The following ATP2B2 variants were observed in gnomAD, a reference collection of about 807,000 sequenced individuals.
ATP2B2 encodes ATPase plasma membrane Ca2+ transporting 2, also known as plasma membrane calcium-transporting ATPase 2.
Under a neutral mutation model 120.0 loss-of-function variants are expected in ATP2B2, and 15 were observed. That is an observed-to-expected ratio of 0.12 (90% CI 0.08 to 0.19). The LOEUF (loss-of-function observed/expected upper bound fraction) is 0.19. ATP2B2 is among the 10% of genes least tolerant of loss of function. The pLI, the probability that ATP2B2 is intolerant of heterozygous loss-of-function variation, is 1.00. For synonymous variants in ATP2B2, 694 were observed against 700.3 expected, an observed-to-expected ratio of 0.99 and a Z score of 0.14; for missense variants, 1,045 against 1,719.8, an observed-to-expected ratio of 0.61 and a Z score of 6.94.
At chr3:10,560,765 A>T (rs1050839975) in intron 2 of ATP2B2, among the ~76,000 whole-genome samples, 9 of 152,104 alleles carry the variant, frequency 5.9e-5, no homozygotes, top group African/African-American at 2.2e-4. Context: ...TGGGGGCTGG[A>T]TTCGAGCACA....
intron 2 of ATP2B2, among the ~76,000 whole-genome samples, chr3:10,583,880 C>T (rs73811932): frequency 1.7e-3 from 260 of 152,272 alleles, no homozygotes; most frequent in African/African-American, 5.6e-3. Flanking sequence ...ACTGATCTCC[C>T]GCCATCAGAA....
chr3:10,415,040 T>C (rs1407550026), intron 2 of ATP2B2, among the ~76,000 whole-genome samples: 2 of 152,062 alleles, frequency 1.3e-5, no homozygotes, highest in Non-Finnish European at 2.9e-5. Context: ...CTCTTCTCAG[T>C]GGAAGAACAG....
chr3:10,509,909 T>C (rs1300752109), upstream of ATP2B2, among the ~76,000 whole-genome samples: 2 of 152,128 alleles, frequency 1.3e-5, no homozygotes, highest in East Asian at 1.9e-4. Context: ...GAGTCCCAGG[T>C]TTTTTTCATC....
intron 1 of ATP2B2, among the ~76,000 whole-genome samples, chr3:10,485,714 G>A (rs1011301808): frequency 1.3e-5 from 2 of 152,184 alleles, no homozygotes; most frequent in African/African-American, 2.4e-5. Flanking sequence ...GCAAAGCCTG[G>A]GGTCTGAGGT....
At chr3:10,485,949 G>A (rs2065632884) in intron 1 of ATP2B2, among the ~76,000 whole-genome samples, 1 of 152,206 alleles carries the variant, frequency 6.6e-6, no homozygotes, top group South Asian at 2.1e-4. Flanking sequence ...GGGGGCCAGG[G>A]CATCATGAAA....
chr3:10,337,567 C>T (rs1328621599), intron 22 of ATP2B2, among the ~76,000 whole-genome samples: 3 of 152,172 alleles, frequency 2.0e-5, no homozygotes, highest in African/African-American at 7.2e-5. Flanking sequence ...TCTCTCTGCT[C>T]TGGGGAAGAA....
At chr3:10,589,092 A>G (rs2068582670) in intron 2 of ATP2B2, among the ~76,000 whole-genome samples, 1 of 152,098 alleles carries the variant, frequency 6.6e-6, no homozygotes, top group Non-Finnish European at 1.5e-5. Context: ...AGTCACTGGG[A>G]GGACCTGGAC....
At position 10,325,346 on chromosome 3, in the gene ATP2B2, A is replaced by G. The variant is rs1450336455; in HGVS notation, c.*3468T>C. On this transcript the variant is annotated 3_prime_UTR_variant, in exon 23 of 23. Coordinates refer to ENST00000360273, the MANE Select transcript of ATP2B2 (RefSeq NM_001001331.4). Reference sequence around the variant, plus strand: ...CCCACCACATAATAAGACATTAGAAATTGACAATAGTTAAAATTGTATGGC... The same window carrying G: ...CCCACCACATAATAAGACATTAGAAGTTGACAATAGTTAAAATTGTATGGC... The G allele has an allele frequency of 6.6e-6, 1 of 152,266 alleles. No homozygotes were observed. Among genetic ancestry groups the G allele is most frequent in the Admixed American group, 6.5e-5 (1 of 15,286 alleles). The allele number at this position is 152,266 out of a possible 1,614,324, so 9.4% of individuals were successfully genotyped here.
chr3:10,353,975 TC>T (rs564318578), intron 14 of ATP2B2, among the ~76,000 whole-genome samples: 88 of 152,164 alleles, frequency 5.8e-4, no homozygotes, highest in African/African-American at 1.8e-3. Flanking sequence ...CTTTTCCAAT[TC>T]CCTTTTCTCT....
intron 1 of ATP2B2, among the ~76,000 whole-genome samples, chr3:10,465,891 C>T (rs533058754): frequency 4.0e-4 from 61 of 152,202 alleles, no homozygotes; most frequent in Non-Finnish European, 6.9e-4. Flanking sequence ...GAGTTGGTCC[C>T]TAACCACCAG....
At position 10,501,372 on chromosome 3, in the gene ATP2B2, G is replaced by GTTTTTT. The variant is rs140295226; in HGVS notation, c.-320+4092_-320+4093insAAAAAA. Among the ~76,000 whole-genome samples, 6 of 138,062 alleles carry GTTTTTT rather than the reference G, an allele frequency of 4.3e-5. 1 individual carries two copies. The highest frequency in any genetic ancestry group is 4.5e-5 in the Non-Finnish European group (3 of 66,466). 90.6% of individuals were successfully genotyped at this position (138,062 alleles called of 152,430 possible). A position where few individuals can be genotyped will look rare whatever the true frequency, so the allele number is the denominator to read the frequency against. On this transcript the variant is annotated intron_variant, in intron 1 of 22. Transcript: ENST00000360273. ...CCATAGCATAACCCATTTTTTAAAC[G>GTTTTTT]GTTTTTTTTTTTTTTTGAGACAGGG...
intron 1 of ATP2B2, among the ~76,000 whole-genome samples, chr3:10,495,329 G>A (rs561171556): frequency 1.3e-4 from 20 of 152,258 alleles, no homozygotes; most frequent in Admixed American, 9.8e-4. Context: ...ATTCCTCTCC[G>A]GCCTCAGTCT....
intron 5 of ATP2B2, among the ~76,000 whole-genome samples, chr3:10,395,495 C>T (rs1425769590): frequency 6.6e-6 from 1 of 152,228 alleles, no homozygotes; most frequent in African/African-American, 2.4e-5. Flanking sequence ...AAGGCCATCA[C>T]ATCTGCATGA....
At chr3:10,572,398 G>C (rs1225523340) in intron 2 of ATP2B2, among the ~76,000 whole-genome samples, 1 of 152,146 alleles carries the variant, frequency 6.6e-6, no homozygotes, top group African/African-American at 2.4e-5. Flanking sequence ...GTTTCAGTTG[G>C]GGAAGATGAA....
At chr3:10,628,006 C>G (rs1436545742) in intron 1 of ATP2B2, among the ~76,000 whole-genome samples, 1 of 152,054 alleles carries the variant, frequency 6.6e-6, no homozygotes, top group Admixed American at 6.6e-5. Flanking sequence ...GGAGCAGGTA[C>G]AGGTGTTGGG....
At chr3:10,608,471 C>T (rs1184715436) in intron 2 of ATP2B2, among the ~76,000 whole-genome samples, 1 of 152,250 alleles carries the variant, frequency 6.6e-6, no homozygotes, top group African/African-American at 2.4e-5. Flanking sequence ...GTCTGTAAGA[C>T]CAAGTCCTGA....
intron 1 of ATP2B2, among the ~76,000 whole-genome samples, chr3:10,474,034 A>G (rs1044010112): frequency 6.6e-6 from 1 of 151,546 alleles, no homozygotes; most frequent in African/African-American, 2.4e-5. Flanking sequence ...GAGAGCAGGG[A>G]GGAAGTGAGG....
intron 3 of ATP2B2, among the ~76,000 whole-genome samples, chr3:10,520,702 T>C (rs2066967467): frequency 6.6e-6 from 1 of 151,840 alleles, no homozygotes; most frequent in Admixed American, 6.6e-5. Context: ...GTGATCTGCC[T>C]GCCTGGGCCT....
At chr3:10,504,253 G>A (rs2066512104) in intron 1 of ATP2B2, among the ~76,000 whole-genome samples, 1 of 151,944 alleles carries the variant, frequency 6.6e-6, no homozygotes, top group Non-Finnish European at 1.5e-5. Flanking sequence ...GGCCCCCAAG[G>A]CCTGCGCTCC....
Sources: gnomAD v4.1 joint callset for allele counts (sites outside exome capture counted in the v4.1 genomes callset) on GRCh38, gnomAD v4.1.1 for gene constraint, MANE v1.5 for transcripts, NCBI Gene and HGNC (gene_info 2026-07-23, HGNC 2026-07-21) for gene names.